Variants in UTRN observed in about 807,000 individuals in gnomAD.
UTRN encodes utrophin.
Under a neutral mutation model 463.9 loss-of-function variants are expected in UTRN, and 283 were observed. The observed-to-expected ratio is 0.61, with a 90% CI of 0.55 to 0.67. UTRN has a LOEUF of 0.67. UTRN is among the 30% of genes least tolerant of loss of function. The pLI is 0.00. For missense variants in UTRN, 3,922 were observed against 4,084.3 expected (o/e 0.96, Z 1.08); for synonymous variants, 1,442 against 1,431.5 (o/e 1.01, Z -0.17).
chr6:144,568,665 G>A (rs1371303207), intron 50 of UTRN, among the ~76,000 whole-genome samples: 1 of 152,150 alleles, frequency 6.6e-6, no homozygotes, highest in Non-Finnish European at 1.5e-5. Context: ...TTTACATGCA[G>A]CAATTCTTAA....
chr6:144,703,826 T>C, intron 53 of UTRN, among the ~76,000 whole-genome samples: 1 of 152,132 alleles, frequency 6.6e-6, no homozygotes, highest in East Asian at 1.9e-4. Context: ...TTAAGGACTT[T>C]TACAACAAAG....
chr6:144,580,964 A>G (rs1262069234), intron 51 of UTRN, among the ~76,000 whole-genome samples: 3 of 152,230 alleles, frequency 2.0e-5, no homozygotes, highest in Non-Finnish European at 2.9e-5. Context: ...TAGTATACAT[A>G]GACTGAGGAA....
chr6:144,520,090 A>G (rs138927661), intron 39 of UTRN, among the ~76,000 whole-genome samples: 1 of 152,200 alleles, frequency 6.6e-6, no homozygotes, highest in African/African-American at 2.4e-5. Flanking sequence ...AAAACAGATG[A>G]CCTTTCAGCA....
chr6:144,471,100 GAGGGAGAGGGA>G (rs1790601820), intron 23 of UTRN, among the ~76,000 whole-genome samples: 1 of 141,718 alleles, frequency 7.1e-6, no homozygotes, highest in African/African-American at 2.7e-5. Flanking sequence ...GGGAGAGGGA[GAGGGAGAGGGA>G]TCTGTTTCTT....
chr6:144,754,852 T>A, intron 57 of UTRN, 54 bp downstream of exon 57: 2 of 1,543,978 alleles, frequency 1.3e-6, no homozygotes, highest in Non-Finnish European at 1.8e-6. Context: ...TAGCATTTTC[T>A]TTCACTTTAA....
chr6:144,752,843 A>G (rs1791554807), intron 56 of UTRN, among the ~76,000 whole-genome samples: 1 of 152,122 alleles, frequency 6.6e-6, no homozygotes, highest in South Asian at 2.1e-4. Context: ...ATTTCCGAAG[A>G]TTAGAAGTCG....
intron 2 of UTRN, among the ~76,000 whole-genome samples, chr6:144,350,381 TA>T (rs1778010250): frequency 6.6e-6 from 1 of 152,244 alleles, no homozygotes; most frequent in Admixed American, 6.5e-5. Context: ...TCTATGAATG[TA>T]AAAATGTATG....
intron 52 of UTRN, among the ~76,000 whole-genome samples, chr6:144,693,845 T>A (rs780612118): frequency 1.3e-5 from 2 of 152,208 alleles, no homozygotes; most frequent in African/African-American, 4.8e-5. Context: ...CAAACAGATA[T>A]AGTTTGACTT....
Position 144,487,415 on chromosome 6 carries a change from C to A in UTRN, c.3823-133C>A, listed in dbSNP as rs555753512. The stretch of plus-strand genomic sequence containing the variant: ...TTTTGTGAATTAGTAATTTACTTAA[C>A]TTTTGGTCCTGTTACTTAGGTAGAT... On this transcript the variant is annotated intron_variant, in intron 28 of 74. Coordinates refer to ENST00000367545, the MANE Select transcript of UTRN (RefSeq NM_007124.3). The A allele has an allele frequency of 1.3e-5, 11 of 858,920 alleles. No homozygotes were observed. In the South Asian group the frequency reaches 3.6e-4, roughly 28 times the overall value. The allele number at this position is 858,920 out of a possible 1,614,324, so 53.2% of individuals were successfully genotyped here.
intron 63 of UTRN, 39 bp downstream of exon 63, chr6:144,794,030 C>T (rs200386581): frequency 1.1e-5 from 18 of 1,603,906 alleles, no homozygotes; most frequent in South Asian, 5.6e-5. Context: ...GATGTGTTGG[C>T]GAAGGGTTTT....
At chr6:144,419,018 A>G (rs1341568794) in intron 3 of UTRN, among the ~76,000 whole-genome samples, 3 of 152,064 alleles carry the variant, frequency 2.0e-5, no homozygotes, top group Non-Finnish European at 4.4e-5. Flanking sequence ...TTACCTATAT[A>G]ATATATTTTT....
rs1786831091 is a variant in UTRN at position 144,438,725 on chromosome 6, G to A, written c.1242-20G>A. 6 of 1,613,880 alleles carry A rather than the reference G, an allele frequency of 3.7e-6. No individual in the cohort carries two copies. In the East Asian group the frequency reaches 1.3e-4, roughly 36 times the overall value. ...AAGGGAAAAGGCTTGTAGGAATAAT[G>A]CTGTGTTCCCCACGGACAGGCTGCA... On this transcript the variant is annotated intron_variant, in intron 11 of 74. Transcript: ENST00000367545.
chr6:144,616,104 C>T (rs1022006938), intron 51 of UTRN, among the ~76,000 whole-genome samples: 6 of 152,104 alleles, frequency 3.9e-5, no homozygotes, highest in South Asian at 2.1e-4. Flanking sequence ...AACTCCTTCT[C>T]GGCAGTAGCA....
chr6:144,296,908 C>T (rs1804767209), intron 2 of UTRN, among the ~76,000 whole-genome samples: 1 of 152,206 alleles, frequency 6.6e-6, no homozygotes, highest in African/African-American at 2.4e-5. Flanking sequence ...GGGCCAGTTG[C>T]ATCCTTTCTT....
In UTRN at chr6:144,479,247, T is replaced by A. The variant is rs185106726; in HGVS notation, c.3337-565T>A. On this transcript the variant is annotated intron_variant, in intron 25 of 74. Transcript: ENST00000367545. ...AATTCTCCCGCCTCTACCTCCCAAG[T>A]AGCTGGGACTACAGGCATGCACCAC... 5.9e-3 allele frequency among the ~76,000 whole-genome samples: 901 copies of A among 151,446 alleles called. 7 individuals are homozygous for A. The highest frequency in any genetic ancestry group is 0.021 in the African/African-American group (869 of 41,244).
intron 2 of UTRN, among the ~76,000 whole-genome samples, chr6:144,377,012 A>G (rs1780522906): frequency 6.6e-6 from 1 of 151,994 alleles, no homozygotes; most frequent in Non-Finnish European, 1.5e-5. Context: ...ACTATTATAT[A>G]TTTTTCTATA....
chr6:144,447,600 A>G lies in UTRN; in HGVS notation c.1723-2A>G, dbSNP rs377317117. On this transcript the variant is annotated splice_acceptor_variant, in intron 15 of 74. Coordinates refer to ENST00000367545, the MANE Select transcript of UTRN (RefSeq NM_007124.3). LOFTEE classifies it high-confidence loss of function. Reference sequence around the variant, plus strand: ...TCATCTAATAAATATCTGAAATACTAGATTTTGAAGGAAGACATGGAAATG... The same window carrying G: ...TCATCTAATAAATATCTGAAATACTGGATTTTGAAGGAAGACATGGAAATG... 1.2e-6 allele frequency: 2 copies of G among 1,612,194 alleles called. No individual in the cohort carries two copies. The highest frequency in any genetic ancestry group is 1.1e-5 in the South Asian group (1 of 90,192).
At chr6:144,486,809 C>T (rs1276116664) in intron 28 of UTRN, among the ~76,000 whole-genome samples, 4 of 152,056 alleles carry the variant, frequency 2.6e-5, no homozygotes, top group Non-Finnish European at 5.9e-5. Flanking sequence ...TGTGAGCCAT[C>T]GCACTTGGCC....
intron 63 of UTRN, among the ~76,000 whole-genome samples, chr6:144,794,869 T>G (rs1277449071): frequency 5.3e-5 from 8 of 152,158 alleles, no homozygotes; most frequent in Non-Finnish European, 7.4e-5. Context: ...TTGGGCCTCT[T>G]TTTTTGTTTG....
Sources: allele counts gnomAD v4.1 joint callset (sites outside exome capture counted in the v4.1 genomes callset), GRCh38; gene constraint gnomAD v4.1.1; transcripts MANE v1.5; gene names NCBI Gene and HGNC (gene_info 2026-07-23, HGNC 2026-07-21).